Variants in RHPN1 observed in about 807,000 individuals in gnomAD.
RHPN1 encodes rhophilin Rho GTPase binding protein 1.
Under a neutral mutation model 74.7 loss-of-function variants are expected in RHPN1, and 77 were observed. The ratio of observed to expected loss-of-function variants is 1.03; its 90% CI spans 0.86 to 1.25. The LOEUF is 1.25. Ranked by LOEUF, RHPN1 falls within the 50% of genes most tolerant of loss-of-function variation. RHPN1 has a pLI of 0.00. For synonymous variants in RHPN1, 444 were observed against 414.5 expected (o/e 1.07, Z -0.87); for missense variants, 987 against 932.2 (o/e 1.06, Z -0.77).
intron 2 of RHPN1, among the ~76,000 whole-genome samples, chr8:143,376,005 C>A (rs2130569546): frequency 6.6e-6 from 1 of 152,324 alleles, no homozygotes; most frequent in Admixed American, 6.5e-5. Context: ...AGGTTGGGGA[C>A]CTGGGAGGGG....
chr8:143,376,524 G>A lies in RHPN1; in HGVS notation c.177-1G>A. On this transcript the variant is annotated splice_acceptor_variant, in intron 2 of 14. Transcript: ENST00000289013. LOFTEE classifies it high-confidence loss of function. ...CTTTCAACTGCCGCGGCCTCCCTCA[G>A]AGCCACCAGCAACAACCGGGTGAGA... 6.2e-7 allele frequency: 1 copy of A among 1,612,168 alleles called. No homozygotes were observed. Among genetic ancestry groups the A allele is most frequent in the Non-Finnish European group, 8.5e-7 (1 of 1,179,482 alleles).
At chr8:143,380,296 C>T in intron 10 of RHPN1, 121 bp downstream of exon 10, 2 of 760,280 alleles carry the variant, frequency 2.6e-6, no homozygotes, top group Non-Finnish European at 2.1e-6. Flanking sequence ...GTTGGGCCAC[C>T]TACCTATCCC....
At chr8:143,369,152 G>A in intron 1 of RHPN1, 105 bp downstream of exon 1, 1 of 841,056 alleles carries the variant, frequency 1.2e-6, no homozygotes, top group Non-Finnish European at 1.7e-6. Flanking sequence ...CGTCTCATTC[G>A]GCCCGGACGC....
rs567071144 is a variant in RHPN1, at chr8:143,382,711, C to A, written c.*60C>A. The A allele has an allele frequency of 1.4e-6, 2 of 1,425,050 alleles. No homozygotes were observed. Among genetic ancestry groups the A allele is most frequent in the East Asian group, 2.4e-5 (1 of 41,502 alleles). 88.3% of individuals were successfully genotyped at this position (1,425,050 alleles called of 1,614,324 possible). A position where few individuals can be genotyped will look rare whatever the true frequency, so the allele number is the denominator to read the frequency against. The stretch of plus-strand genomic sequence containing the variant: ...CAGCTGGCAGCAAGCACCGAGCATG[C>A]CCTCCCCACCCAGAGGACCTCCGGG... On this transcript the variant is annotated 3_prime_UTR_variant, in exon 15 of 15. Coordinates refer to ENST00000289013, the MANE Select transcript of RHPN1 (RefSeq NM_052924.3).
chr8:143,380,235 G>A lies in RHPN1; in HGVS notation c.1216+60G>A, dbSNP rs1033739500. On this transcript the variant is annotated intron_variant, in intron 10 of 14. Transcript: ENST00000289013. ...AGATGGTCACCAACGGTGGCAGGGT[G>A]TCCCCCACCACCCTCATGCTGTTTG... 5 of 1,167,346 alleles carry A rather than the reference G, an allele frequency of 4.3e-6. No individual in the cohort carries two copies. In the African/African-American group the frequency reaches 6.2e-5, roughly 14 times the overall value. 72.3% of individuals were successfully genotyped at this position (1,167,346 alleles called of 1,614,324 possible). A position where few individuals can be genotyped will look rare whatever the true frequency, so the allele number is the denominator to read the frequency against.
upstream of RHPN1, among the ~76,000 whole-genome samples, chr8:143,365,976 T>G (rs1817551656): frequency 6.9e-6 from 1 of 144,736 alleles, no homozygotes; most frequent in Non-Finnish European, 1.5e-5. Context: ...CACTCCAGCC[T>G]GGGCGACAGA....
chr8:143,374,441 T>C (rs1818076967), intron 1 of RHPN1: 2 of 546,512 alleles, frequency 3.7e-6, no homozygotes, highest in Non-Finnish European at 4.7e-6. Context: ...AATGGCCAGG[T>C]TGGCCACGCC....
Position 143,382,830 on chromosome 8 carries a change from T to G in RHPN1, c.*179T>G. The G allele has an allele frequency of 1.7e-6, 1 of 603,610 alleles. No individual in the cohort carries two copies. Among genetic ancestry groups the G allele is most frequent in the Non-Finnish European group, 2.9e-6 (1 of 341,516 alleles). 37.4% of individuals were successfully genotyped at this position (603,610 alleles called of 1,614,324 possible). ...CCTGTCTGAGCCCAGTGATGGGAGC[T>G]GTGGCCTCTTCACCCACACACAGAA... On this transcript the variant is annotated 3_prime_UTR_variant, in exon 15 of 15. Transcript: ENST00000289013.
At chr8:143,374,227 G>A (rs377353560) in intron 1 of RHPN1, 1 of 985,448 alleles carries the variant, frequency 1.0e-6, no homozygotes. Flanking sequence ...GAGGGTGTCG[G>A]GTCCACAGAG....
At chr8:143,376,772 G>A (rs879086115) in intron 3 of RHPN1, 119 bp downstream of exon 3, 1 of 1,220,776 alleles carries the variant, frequency 8.2e-7, no homozygotes, top group Non-Finnish European at 1.1e-6. Context: ...GTCTGTGTGT[G>A]TGCGTGTGTG....
rs1433481723 is a variant in RHPN1, at chr8:143,379,925, G to T, written c.1042G>T (p.Ala348Ser). 8 of 1,596,966 alleles carry T rather than the reference G, an allele frequency of 5.0e-6. No homozygotes were observed. In the African/African-American group the frequency reaches 9.4e-5, roughly 19 times the overall value. Residue 348 changes from alanine (A) to serine (S), a missense_variant, in exon 9 of 15, where the codon GCC (alanine) becomes TCC (serine). Transcript: ENST00000289013. ...VSWTALVHVK[A>S]EYFRSLAHYH... ...CTGGACTGCCCTGGTGCATGTCAAG[G>T]CCGAGTACTTCCGCTCCCTGGCCCA... is the stretch of plus-strand genomic sequence containing the variant.
chr8:143,374,323 C>T, intron 1 of RHPN1: 1 of 985,262 alleles, frequency 1.0e-6, no homozygotes, highest in South Asian at 4.7e-5. Context: ...GCAAGATTCA[C>T]CTTCAGACGC....
At position 143,378,356 on chromosome 8, in the gene RHPN1, T is replaced by TCGGGGG; in HGVS notation, c.459+11_459+12insGGGGGC. The TCGGGGG allele has an allele frequency of 6.6e-7, 1 of 1,525,438 alleles. No individual in the cohort carries two copies. The highest frequency in any genetic ancestry group is 8.8e-7 in the Non-Finnish European group (1 of 1,136,348). The allele number at this position is 1,525,438 out of a possible 1,614,324, so 94.5% of individuals were successfully genotyped here. Reference sequence around the variant, plus strand: ...GGAGGCCCTGCGGCAGGTGTGTGGTTCCCCCGCCCACCCACCCTCCTGCAG... The same window carrying TCGGGGG: ...GGAGGCCCTGCGGCAGGTGTGTGGTTCGGGGGCCCCCGCCCACCCACCCTCCTGCAG... On this transcript the variant is annotated intron_variant, in intron 5 of 14. Coordinates refer to ENST00000289013, the MANE Select transcript of RHPN1 (RefSeq NM_052924.3).
At chr8:143,368,779 T>TC (rs1291848126), upstream of RHPN1, 9 of 330,736 alleles carry the variant, frequency 2.7e-5, no homozygotes, top group Non-Finnish European at 4.9e-5. Flanking sequence ...TGCCGCCTAT[T>TC]GGGCAATGGC....
chr8:143,378,140 GC>G, intron 4 of RHPN1, 128 bp from the exon 5 acceptor site: 1 of 777,710 alleles, frequency 1.3e-6, no homozygotes, highest in African/African-American at 1.7e-5. Context: ...ACGCTGCATG[GC>G]AGCCAGCCTG....
rs1372726303 is a variant in RHPN1, at chr8:143,369,011, C to A, written c.24C>A (p.Asp8Glu). 1.3e-5 allele frequency: 19 copies of A among 1,496,052 alleles called. No homozygotes were observed. Among genetic ancestry groups the A allele is most frequent in the Non-Finnish European group, 1.6e-5 (18 of 1,130,580 alleles). 92.7% of individuals were successfully genotyped at this position (1,496,052 alleles called of 1,614,324 possible). ...CGATGATCCTGGAGGAGAGGCCGGA[C>A]GGCGCGGGCGCCGGCGAGGAGAGCC... is the stretch of plus-strand genomic sequence containing the variant. MILEERPDGAGAGEESPR... is the reference protein window; with the variant it reads MILEERPEGAGAGEESPR... Residue 8 changes from aspartate (D) to glutamate (E), a missense_variant, in exon 1 of 15, where the codon GAC becomes GAA. Asp to Glu is a conservative substitution (Grantham distance 45, BLOSUM62 2). Coordinates refer to ENST00000289013, the MANE Select transcript of RHPN1 (RefSeq NM_052924.3).
chr8:143,381,898 A>G lies in RHPN1; in HGVS notation c.1727A>G (p.Lys576Arg). 1 of 1,612,682 alleles carries G rather than the reference A, an allele frequency of 6.2e-7. No homozygotes were observed. Reference protein sequence around the residue: ...WRHAEVVTELKAAGEAGASLQ... With the variant: ...WRHAEVVTELRAAGEAGASLQ... ...CACGCGGAGGTGGTGACGGAGCTGA[A>G]GGCTGCGGGAGAGGCGGGCGCCAGC... Residue 576 changes from lysine (K) to arginine (R), a missense_variant, in exon 14 of 15, where the codon AAG becomes AGG. By Grantham distance (26) the Lys-to-Arg change is conservative. Coordinates refer to ENST00000289013, the MANE Select transcript of RHPN1 (RefSeq NM_052924.3).
chr8:143,381,139 C>T (rs1043046361), intron 11 of RHPN1, 129 bp from the exon 12 acceptor site: 3 of 767,592 alleles, frequency 3.9e-6, no homozygotes, highest in Admixed American at 2.6e-5. Flanking sequence ...CCCACCATTG[C>T]AGAGTGGCCA....
rs764935123 is a variant in RHPN1 at position 143,380,739 on chromosome 8, G to A, written c.1367G>A (p.Arg456His). ...CTGGCCAAGTATGCGGAGCTCGACC[G>A]TGAGGATGACTTCTGTGAGGCTGCC... is the stretch of plus-strand genomic sequence containing the variant. ...RSLAKYAELD[R>H]EDDFCEAAEA... The change falls in exon 11 of 15, where the codon CGT (arginine) becomes CAT (histidine). Residue 456 changes from arginine (R) to histidine (H), a missense_variant. Arg to His is a conservative substitution (Grantham distance 29). Coordinates refer to ENST00000289013, the MANE Select transcript of RHPN1 (RefSeq NM_052924.3). 85 of 1,594,324 alleles carry A rather than the reference G, an allele frequency of 5.3e-5. No homozygotes were observed. Among genetic ancestry groups the A allele is most frequent in the Admixed American group, 6.9e-5 (4 of 57,662 alleles).
Sources: gnomAD v4.1 joint callset for allele counts (sites outside exome capture counted in the v4.1 genomes callset) on GRCh38, gnomAD v4.1.1 for gene constraint, MANE v1.5 for transcripts, NCBI Gene and HGNC (gene_info 2026-07-23, HGNC 2026-07-21) for gene names.